The following TAFA5 variants were observed in gnomAD, a reference collection of about 807,000 sequenced individuals.
The protein encoded by TAFA5 is chemokine-like protein TAFA-5.
Under a neutral mutation model 15.3 loss-of-function variants are expected in TAFA5, and 6 were observed. The observed-to-expected ratio is 0.39, with a 90% CI of 0.21 to 0.77. TAFA5 has a LOEUF of 0.77. TAFA5 is among the 30% of genes least tolerant of loss of function. The pLI is 0.41. For missense variants in TAFA5, 161 were observed against 193.1 expected, an observed-to-expected ratio of 0.83 and a Z score of 0.98; for synonymous variants, 103 against 80.7, an observed-to-expected ratio of 1.28 and a Z score of -1.48.
At chr22:48,528,671 C>T (rs1169883066) in intron 1 of TAFA5, among the ~76,000 whole-genome samples, 3 of 152,226 alleles carry the variant, frequency 2.0e-5, no homozygotes, top group Non-Finnish European at 2.9e-5. Flanking sequence ...TCAACAAAGA[C>T]ATAGTGTGAG....
chr22:48,589,542 C>A (rs1181367232), intron 1 of TAFA5, among the ~76,000 whole-genome samples: 1 of 152,068 alleles, frequency 6.6e-6, no homozygotes, highest in Middle Eastern at 3.2e-3. Context: ...TTGGAGGTCC[C>A]CAAAGACAGA....
chr22:48,719,889 T>A (rs944755847), intron 3 of TAFA5, among the ~76,000 whole-genome samples: 3 of 151,130 alleles, frequency 2.0e-5, no homozygotes, highest in African/African-American at 7.3e-5. Flanking sequence ...CTCTTCATTT[T>A]CTCAGCAGAA....
chr22:48,589,383 C>T (rs1924477215), intron 1 of TAFA5, among the ~76,000 whole-genome samples: 1 of 152,002 alleles, frequency 6.6e-6, no homozygotes, highest in Non-Finnish European at 1.5e-5. Context: ...AAAGACAGAG[C>T]CACCTGGAAA....
At chr22:48,533,485 G>A (rs762092666) in intron 1 of TAFA5, among the ~76,000 whole-genome samples, 4 of 152,212 alleles carry the variant, frequency 2.6e-5, no homozygotes, top group African/African-American at 4.8e-5. Context: ...CAAGTCTGAC[G>A]TCCAGCTAGG....
chr22:48,558,580 C>T (rs565829439), intron 1 of TAFA5, among the ~76,000 whole-genome samples: 1 of 152,280 alleles, frequency 6.6e-6, no homozygotes, highest in South Asian at 2.1e-4. Context: ...CCTCAGGAGC[C>T]GTGGTCTGTG....
At chr22:48,587,958 T>C (rs368343801) in intron 1 of TAFA5, among the ~76,000 whole-genome samples, 55 of 152,324 alleles carry the variant, frequency 3.6e-4, no homozygotes, top group African/African-American at 1.2e-3. Flanking sequence ...CTTTCCCAGC[T>C]AGGCGGGCTC....
At chr22:48,612,778 A>T (rs918624658) in intron 1 of TAFA5, among the ~76,000 whole-genome samples, 1 of 151,976 alleles carries the variant, frequency 6.6e-6, no homozygotes, top group Admixed American at 6.5e-5. Context: ...GTCTCTCCTG[A>T]TGTGCCCAGG....
At chr22:48,568,462 G>A (rs1425942459) in intron 1 of TAFA5, among the ~76,000 whole-genome samples, 1 of 152,206 alleles carries the variant, frequency 6.6e-6, no homozygotes, top group Non-Finnish European at 1.5e-5. Flanking sequence ...TTCTCTTCTG[G>A]GAGTGACTCC....
At chr22:48,607,475 G>A (rs557724544) in intron 1 of TAFA5, among the ~76,000 whole-genome samples, 139 of 137,802 alleles carry the variant, frequency 1.0e-3, no homozygotes, top group African/African-American at 3.8e-3. Flanking sequence ...GAGCAGGTCT[G>A]TCCCGGGTTC....
At chr22:48,680,472 G>A (rs1928146959) in intron 2 of TAFA5, among the ~76,000 whole-genome samples, 1 of 109,086 alleles carries the variant, frequency 9.2e-6, no homozygotes, top group African/African-American at 3.7e-5. Context: ...AGAGAAGGGC[G>A]AGGGGGCTAA....
At chr22:48,675,622 C>T (rs1188554247) in intron 2 of TAFA5, among the ~76,000 whole-genome samples, 2 of 152,270 alleles carry the variant, frequency 1.3e-5, no homozygotes, top group African/African-American at 4.8e-5. Context: ...TTGGAGAAGA[C>T]CTAGGAGGCA....
Position 48,687,269 on chromosome 22 carries a change from A to G in TAFA5, c.263-20448A>G, listed in dbSNP as rs932629441. On this transcript the variant is annotated intron_variant, in intron 2 of 3. Coordinates refer to ENST00000402357, the MANE Select transcript of TAFA5 (RefSeq NM_001082967.3). ...GATAGGTGGATGGATGGGTGGGTGG[A>G]TGAATGGATGGTGGACGGATGGATG... Among the ~76,000 whole-genome samples the G allele has an allele frequency of 2.9e-4, 42 of 146,670 alleles. 1 individual carries two copies. The highest frequency in any genetic ancestry group is 4.7e-4 in the Admixed American group (7 of 14,818).
In TAFA5 at chr22:48,693,431, A is replaced by G. The variant is rs555336143; in HGVS notation, c.263-14286A>G. 9,778 of 1,609,940 alleles carry G rather than the reference A, an allele frequency of 6.1e-3. 43 individuals carry two copies. The highest frequency in any genetic ancestry group is 7.2e-3 in the Non-Finnish European group (8,514 of 1,178,742). On this transcript the variant is annotated intron_variant, in intron 2 of 3. Coordinates refer to ENST00000402357, the MANE Select transcript of TAFA5 (RefSeq NM_001082967.3). Reference sequence around the variant, plus strand: ...ATAGTGCAGCCCGTGCAGGCAGTAAAGGAGGGACTGCGACTCTTGCAGATG... The same window carrying G: ...ATAGTGCAGCCCGTGCAGGCAGTAAGGGAGGGACTGCGACTCTTGCAGATG...
At chr22:48,697,368 CGAT>C (rs992315436) in intron 2 of TAFA5, among the ~76,000 whole-genome samples, 4 of 80,970 alleles carry the variant, frequency 4.9e-5, no homozygotes, top group Non-Finnish European at 1.2e-4. Flanking sequence ...ATAATGATGA[CGAT>C]GATGATGGTG....
At chr22:48,631,040 C>T (rs185245982) in intron 1 of TAFA5, among the ~76,000 whole-genome samples, 2 of 152,162 alleles carry the variant, frequency 1.3e-5, no homozygotes, top group Non-Finnish European at 2.9e-5. Context: ...CCTGCAGGAA[C>T]GTTCTGGAGG....
At chr22:48,628,964 C>T (rs986486404) in intron 1 of TAFA5, among the ~76,000 whole-genome samples, 3 of 152,104 alleles carry the variant, frequency 2.0e-5, no homozygotes, top group East Asian at 1.9e-4. Context: ...AGCCGGGCGC[C>T]GTTTCCCTTA....
At chr22:48,693,525 C>A in intron 2 of TAFA5, 2 of 1,468,868 alleles carry the variant, frequency 1.4e-6, no homozygotes, top group Non-Finnish European at 1.8e-6. Context: ...GCAGGTGAGG[C>A]CCGCAGGAGG....
chr22:48,608,312 A>ATTTT (rs1925274126), intron 1 of TAFA5, among the ~76,000 whole-genome samples: 7 of 152,342 alleles, frequency 4.6e-5, no homozygotes, highest in African/African-American at 1.7e-4. Flanking sequence ...GCCATCAGCC[A>ATTTT]TATTCACGAT....
At chr22:48,677,477 G>T (rs1044606413) in intron 2 of TAFA5, among the ~76,000 whole-genome samples, 1 of 152,214 alleles carries the variant, frequency 6.6e-6, no homozygotes, top group Non-Finnish European at 1.5e-5. Flanking sequence ...ACTGCTCCCC[G>T]GCAAGTCTTC....
Sources: gnomAD v4.1 joint callset for allele counts (sites outside exome capture counted in the v4.1 genomes callset) on GRCh38, gnomAD v4.1.1 for gene constraint, MANE v1.5 for transcripts, NCBI Gene and HGNC (gene_info 2026-07-23, HGNC 2026-07-21) for gene names.